Variants in OR51T1 observed in about 807,000 individuals in gnomAD.
OR51T1 encodes the protein olfactory receptor family 51 subfamily T member 1.
For missense variants in OR51T1, 439 were observed against 398.5 expected (o/e 1.10, Z -0.87); for synonymous variants, 188 against 152.6 (o/e 1.23, Z -1.71).
chr11:4,881,984 A>T lies in OR51T1; in HGVS notation c.85A>T (p.Ile29Phe). The T allele has an allele frequency of 6.2e-7, 1 of 1,613,796 alleles. No individual in the cohort carries two copies. The highest frequency in any genetic ancestry group is 8.5e-7 in the Non-Finnish European group (1 of 1,179,908). ...FPGLECAHVW[I>F]SIPVCCLYTI... ...TGGGCTGGAATGTGCTCATGTCTGG[A>T]TCTCCATTCCAGTCTGCTGTCTCTA... Residue 29 changes from isoleucine (I) to phenylalanine (F), a missense_variant, in exon 1 of 1, where the codon ATC becomes TTC. Physicochemically the swap from Ile to Phe is conservative, Grantham distance 21. Transcript: ENST00000322049.
Position 4,882,474 on chromosome 11 carries a change from C to T in OR51T1, c.575C>T (p.Ser192Phe), listed in dbSNP as rs1384900179. ...CCAGAAGTGATCAAATACACATATT[C>T]CAAACCTTGGATCAGCAGTTTTTGG... ...YHPEVIKYTY[S>F]KPWISSFWGL... Residue 192 changes from serine (S) to phenylalanine (F), a missense_variant, in exon 1 of 1, where the codon TCC (serine) becomes TTC (phenylalanine). By Grantham distance (155) the Ser-to-Phe change is radical. Transcript: ENST00000322049. 6.2e-7 allele frequency: 1 copy of T among 1,613,922 alleles called. No homozygotes were observed.
At position 4,882,821 on chromosome 11, in the gene OR51T1, C is replaced by A; in HGVS notation, c.922C>A (p.Leu308Met). ...TKTIRQAMFQ[L>M]LQSKGSWGFN... ...GACAATCCGCCAGGCTATGTTCCAG[C>A]TGCTCCAATCCAAGGGTTCATGGGG... Residue 308 changes from leucine to methionine, a missense_variant, in exon 1 of 1, where the codon CTG becomes ATG. Leu to Met is a conservative substitution (Grantham distance 15). Transcript: ENST00000322049. 1 of 1,613,848 alleles carries A rather than the reference C, an allele frequency of 6.2e-7. No homozygotes were observed. The highest frequency in any genetic ancestry group is 1.1e-5 in the South Asian group (1 of 91,074).
At position 4,882,174 on chromosome 11, in the gene OR51T1, G is replaced by A. The variant is rs574826889; in HGVS notation, c.275G>A (p.Arg92Gln). The change falls in exon 1 of 1, where the codon CGG becomes CAG. Residue 92 changes from arginine to glutamine, a missense_variant. Transcript: ENST00000322049. ...CTTGGTGTTCTCTGGTTTCATGCCCGGGAGATCAGCTTTAAAGCTTGCTTC... is the reference window on the plus strand; with the variant it reads ...CTTGGTGTTCTCTGGTTTCATGCCCAGGAGATCAGCTTTAAAGCTTGCTTC... ...TVLGVLWFHA[R>Q]EISFKACFIQ... The A allele has an allele frequency of 3.9e-4, 635 of 1,613,846 alleles. 5 individuals carry two copies. In the South Asian group the frequency reaches 6.3e-3, roughly 16 times the overall value.
Position 4,882,877 on chromosome 11 carries a change from G to C in OR51T1, c.978G>C (p.Trp326Cys). 1 of 1,609,858 alleles carries C rather than the reference G, an allele frequency of 6.2e-7. No individual in the cohort carries two copies. The highest frequency in any genetic ancestry group is 8.5e-7 in the Non-Finnish European group (1 of 1,177,358). The change falls in exon 1 of 1, where the codon TGG becomes TGC. Residue 326 changes from tryptophan to cysteine, a missense_variant. Physicochemically the swap from Trp to Cys is radical, Grantham distance 215. Coordinates refer to ENST00000322049, the MANE Select transcript of OR51T1 (RefSeq NM_001004759.3). ...ATGTGAGGGGTCTTAGGGGAAGATGGGATTGAAGGTAGGAAATTGTCAGGA... is the reference window on the plus strand; with the variant it reads ...ATGTGAGGGGTCTTAGGGGAAGATGCGATTGAAGGTAGGAAATTGTCAGGA... ...GFNVRGLRGR[W>C]D is the part of the protein sequence containing the mutation.
rs1426897885 is a variant in OR51T1 at position 4,882,015 on chromosome 11, T to C, written c.116T>C (p.Ile39Thr). The change falls in exon 1 of 1, where the codon ATT becomes ACT. Residue 39 changes from isoleucine (I) to threonine (T), a missense_variant. Transcript: ENST00000322049. ...ISIPVCCLYT[I>T]ALLGNSMIFL... Reference sequence around the variant, plus strand: ...ATTCCAGTCTGCTGTCTCTACACCATTGCCCTCTTGGGAAACAGTATGATC... The same window carrying C: ...ATTCCAGTCTGCTGTCTCTACACCACTGCCCTCTTGGGAAACAGTATGATC... 7 of 1,613,816 alleles carry C rather than the reference T, an allele frequency of 4.3e-6. No homozygotes were observed. Among genetic ancestry groups the C allele is most frequent in the East Asian group, 2.2e-5 (1 of 44,860 alleles).
In OR51T1 at chr11:4,882,679, C is replaced by G. The variant is rs111347642; in HGVS notation, c.780C>G (p.Leu260=). ...VTIFYVPLIS[L]SLAHRLFHST... ...TTTTCTATGTGCCACTGATCAGCCTCTCTTTGGCACACCGCCTCTTCCACT... is the reference window on the plus strand; with the variant it reads ...TTTTCTATGTGCCACTGATCAGCCTGTCTTTGGCACACCGCCTCTTCCACT... Residue 260 remains leucine (L), a synonymous_variant, in exon 1 of 1, where the codon CTC becomes CTG. Transcript: ENST00000322049. The G allele has an allele frequency of 6.2e-7, 1 of 1,613,940 alleles. No individual in the cohort carries two copies. The highest frequency in any genetic ancestry group is 8.5e-7 in the Non-Finnish European group (1 of 1,179,934).
Position 4,882,693 on chromosome 11 carries a change from G to T in OR51T1, c.794G>T (p.Arg265Leu). The change falls in exon 1 of 1, where the codon CGC becomes CTC. Residue 265 changes from arginine (R) to leucine (L), a missense_variant. Physicochemically the swap from Arg to Leu is moderately radical, Grantham distance 102 (BLOSUM62 -2). Coordinates refer to ENST00000322049, the MANE Select transcript of OR51T1 (RefSeq NM_001004759.3). ...CTGATCAGCCTCTCTTTGGCACACC[G>T]CCTCTTCCACTCCACCCCAAGGGTG... ...VPLISLSLAHRLFHSTPRVLC... is the reference protein window; with the variant it reads ...VPLISLSLAHLLFHSTPRVLC... 10 of 1,613,856 alleles carry T rather than the reference G, an allele frequency of 6.2e-6. No homozygotes were observed. Among genetic ancestry groups the T allele is most frequent in the Non-Finnish European group, 8.5e-6 (10 of 1,179,902 alleles).
Position 4,882,089 on chromosome 11 carries a change from T to C in OR51T1, c.190T>C (p.Phe64Leu). The change falls in exon 1 of 1, where the codon TTC becomes CTC. Residue 64 changes from phenylalanine (F) to leucine (L), a missense_variant. Coordinates refer to ENST00000322049, the MANE Select transcript of OR51T1 (RefSeq NM_001004759.3). ...KRRLHKPMYY[F>L]LSMLAAVDLC... ...GAGACTCCACAAACCCATGTATTAT[T>C]TCCTCTCCATGCTGGCAGCTGTTGA... The C allele has an allele frequency of 6.2e-7, 1 of 1,613,942 alleles. No homozygotes were observed. The highest frequency in any genetic ancestry group is 8.5e-7 in the Non-Finnish European group (1 of 1,179,914).
chr11:4,881,985 T>C lies in OR51T1; in HGVS notation c.86T>C (p.Ile29Thr), dbSNP rs1309842576. The change falls in exon 1 of 1, where the codon ATC (isoleucine) becomes ACC (threonine). Residue 29 changes from isoleucine (I) to threonine (T), a missense_variant. Ile to Thr is a moderately conservative substitution (Grantham distance 89, BLOSUM62 -1). Coordinates refer to ENST00000322049, the MANE Select transcript of OR51T1 (RefSeq NM_001004759.3). ...FPGLECAHVWISIPVCCLYTI... is the reference protein window; with the variant it reads ...FPGLECAHVWTSIPVCCLYTI... ...GGGCTGGAATGTGCTCATGTCTGGA[T>C]CTCCATTCCAGTCTGCTGTCTCTAC... The C allele has an allele frequency of 6.2e-7, 1 of 1,613,902 alleles. No homozygotes were observed. Among genetic ancestry groups the C allele is most frequent in the Admixed American group, 1.7e-5 (1 of 59,988 alleles).
chr11:4,882,697 C>T lies in OR51T1; in HGVS notation c.798C>T (p.Leu266=). The part of the protein sequence containing the change: ...PLISLSLAHR[L]FHSTPRVLCS... ...TCAGCCTCTCTTTGGCACACCGCCT[C>T]TTCCACTCCACCCCAAGGGTGCTCT... is the stretch of plus-strand genomic sequence containing the variant. The change falls in exon 1 of 1, where the codon CTC becomes CTT. Residue 266 remains leucine, a synonymous_variant. Transcript: ENST00000322049. The T allele has an allele frequency of 3.1e-6, 5 of 1,613,978 alleles. No individual in the cohort carries two copies. Among genetic ancestry groups the T allele is most frequent in the Non-Finnish European group, 4.2e-6 (5 of 1,179,942 alleles).
chr11:4,882,761 G>A lies in OR51T1; in HGVS notation c.862G>A (p.Val288Met). The change falls in exon 1 of 1, where the codon GTG becomes ATG. Residue 288 changes from valine (V) to methionine (M), a missense_variant. By Grantham distance (21) the Val-to-Met change is conservative (BLOSUM62 1). Coordinates refer to ENST00000322049, the MANE Select transcript of OR51T1 (RefSeq NM_001004759.3). ...CAATATTTATCTGCTCTTACCACCT[G>A]TGCTGAACCCTATCATTTACAGCTT... The part of the protein sequence containing the change: ...LANIYLLLPP[V>M]LNPIIYSLKT... 6.2e-7 allele frequency: 1 copy of A among 1,613,866 alleles called. No homozygotes were observed. The highest frequency in any genetic ancestry group is 8.5e-7 in the Non-Finnish European group (1 of 1,179,876).
rs569138191 is a variant in OR51T1, at chr11:4,882,121, T to C, written c.222T>C (p.Cys74=). 4 of 1,613,946 alleles carry C rather than the reference T, an allele frequency of 2.5e-6. No individual in the cohort carries two copies. The East Asian group carries it at 8.9e-5, about 36-fold the overall frequency. ...CCATGCTGGCAGCTGTTGATCTATG[T>C]CTGACCATTACGACCCTTCCCACTG... is the stretch of plus-strand genomic sequence containing the variant. ...FLSMLAAVDL[C]LTITTLPTVL... is the part of the protein sequence containing the mutation. Residue 74 remains cysteine, a synonymous_variant, in exon 1 of 1, where the codon TGT becomes TGC. Transcript: ENST00000322049.
In OR51T1 at chr11:4,882,250, G is replaced by T; in HGVS notation, c.351G>T (p.Leu117=). 1 of 1,613,938 alleles carries T rather than the reference G, an allele frequency of 6.2e-7. No individual in the cohort carries two copies. The highest frequency in any genetic ancestry group is 8.5e-7 in the Non-Finnish European group (1 of 1,179,948). The change falls in exon 1 of 1, where the codon CTG becomes CTT. Residue 117 remains leucine, a synonymous_variant. Coordinates refer to ENST00000322049, the MANE Select transcript of OR51T1 (RefSeq NM_001004759.3). Reference sequence around the variant, plus strand: ...TCTCCTTGCTGGAGTCCTCGGTGCTGGTAGCCATGGCCTTTGACCGCTTCG... The same window carrying T: ...TCTCCTTGCTGGAGTCCTCGGTGCTTGTAGCCATGGCCTTTGACCGCTTCG... ...HAFSLLESSV[L]VAMAFDRFVA...
chr11:4,882,499 G>A lies in OR51T1; in HGVS notation c.600G>A (p.Trp200Ter). 1 of 1,613,740 alleles carries A rather than the reference G, an allele frequency of 6.2e-7. No individual in the cohort carries two copies. The highest frequency in any genetic ancestry group is 8.5e-7 in the Non-Finnish European group (1 of 1,179,884). ...CCAAACCTTGGATCAGCAGTTTTTG[G>A]GGACTGTTTCTTCAGCTCTACCTGA... Reference protein sequence around the residue: ...TYSKPWISSFWGLFLQLYLNG... With the variant: ...TYSKPWISSF The change falls in exon 1 of 1, where the codon TGG (tryptophan) becomes TGA (stop). Residue 200 changes from tryptophan (W) to a stop codon, truncating the protein, a stop_gained. Coordinates refer to ENST00000322049, the MANE Select transcript of OR51T1 (RefSeq NM_001004759.3). LOFTEE classifies it low-confidence loss of function (END_TRUNC).
chr11:4,881,998 C>T lies in OR51T1; in HGVS notation c.99C>T (p.Val33=). The T allele has an allele frequency of 1.2e-6, 2 of 1,613,924 alleles. No individual in the cohort carries two copies. Among genetic ancestry groups the T allele is most frequent in the Non-Finnish European group, 1.7e-6 (2 of 1,179,924 alleles). The change falls in exon 1 of 1, where the codon GTC becomes GTT. Residue 33 remains valine, a synonymous_variant. Transcript: ENST00000322049. ...CTCATGTCTGGATCTCCATTCCAGT[C>T]TGCTGTCTCTACACCATTGCCCTCT... ...ECAHVWISIP[V]CCLYTIALLG... is the part of the protein sequence containing the mutation.
chr11:4,882,171 C>A lies in OR51T1; in HGVS notation c.272C>A (p.Ala91Asp). ...PTVLGVLWFH[A>D]REISFKACFI... ...GTGCTTGGTGTTCTCTGGTTTCATG[C>A]CCGGGAGATCAGCTTTAAAGCTTGC... is the stretch of plus-strand genomic sequence containing the variant. The change falls in exon 1 of 1, where the codon GCC becomes GAC. Residue 91 changes from alanine (A) to aspartate (D), a missense_variant. By Grantham distance (126) the Ala-to-Asp change is moderately radical (BLOSUM62 -2). Transcript: ENST00000322049. 1 of 1,613,884 alleles carries A rather than the reference C, an allele frequency of 6.2e-7. No individual in the cohort carries two copies. Among genetic ancestry groups the A allele is most frequent in the Non-Finnish European group, 8.5e-7 (1 of 1,179,918 alleles).
rs765974897 is a variant in OR51T1 at position 4,882,244 on chromosome 11, G to C, written c.345G>C (p.Ser115=). The part of the protein sequence containing the change: ...FVHAFSLLES[S]VLVAMAFDRF... ...ATGCTTTCTCCTTGCTGGAGTCCTC[G>C]GTGCTGGTAGCCATGGCCTTTGACC... The change falls in exon 1 of 1, where the codon TCG becomes TCC. Residue 115 remains serine, a synonymous_variant. Transcript: ENST00000322049. 6.2e-7 allele frequency: 1 copy of C among 1,613,844 alleles called. No individual in the cohort carries two copies. The highest frequency in any genetic ancestry group is 8.5e-7 in the Non-Finnish European group (1 of 1,179,918).
chr11:4,882,721 C>T lies in OR51T1; in HGVS notation c.822C>T (p.Leu274=). The part of the protein sequence containing the change: ...HRLFHSTPRV[L]CSTLANIYLL... ...TCTTCCACTCCACCCCAAGGGTGCT[C>T]TGTAGCACTTTGGCCAATATTTATC... The change falls in exon 1 of 1, where the codon CTC becomes CTT. Residue 274 remains leucine (L), a synonymous_variant. Coordinates refer to ENST00000322049, the MANE Select transcript of OR51T1 (RefSeq NM_001004759.3). 2 of 1,613,962 alleles carry T rather than the reference C, an allele frequency of 1.2e-6. No individual in the cohort carries two copies. Among genetic ancestry groups the T allele is most frequent in the Non-Finnish European group, 1.7e-6 (2 of 1,179,932 alleles).
In OR51T1 at chr11:4,882,084, A is replaced by G; in HGVS notation, c.185A>G (p.Tyr62Cys). Residue 62 changes from tyrosine (Y) to cysteine (C), a missense_variant, in exon 1 of 1, where the codon TAT (tyrosine) becomes TGT (cysteine). Coordinates refer to ENST00000322049, the MANE Select transcript of OR51T1 (RefSeq NM_001004759.3). ...AAGCGGAGACTCCACAAACCCATGTATTATTTCCTCTCCATGCTGGCAGCT... is the reference window on the plus strand; with the variant it reads ...AAGCGGAGACTCCACAAACCCATGTGTTATTTCCTCTCCATGCTGGCAGCT... The part of the protein sequence containing the change: ...ITKRRLHKPM[Y>C]YFLSMLAAVD... 1 of 1,613,918 alleles carries G rather than the reference A, an allele frequency of 6.2e-7. No homozygotes were observed.
Sources: gnomAD v4.1 joint callset for allele counts on GRCh38, gnomAD v4.1.1 for gene constraint, MANE v1.5 for transcripts, NCBI Gene and HGNC (gene_info 2026-07-23, HGNC 2026-07-21) for gene names.